Variants in P2RY6 observed in about 807,000 individuals in gnomAD.
The protein encoded by P2RY6 is pyrimidinergic receptor P2Y6.
In P2RY6, 19 loss-of-function variants were observed where a neutral mutation model predicts 16.3. That is an observed-to-expected ratio of 1.16 (90% CI 0.81 to 1.71). The LOEUF (loss-of-function observed/expected upper bound fraction) is 1.71, where lower values mean the gene tolerates loss of function less well. Ranked by LOEUF, P2RY6 falls within the 40% of genes most tolerant of loss-of-function variation. The pLI, the probability that P2RY6 is intolerant of heterozygous loss-of-function variation, is 0.00. For missense variants in P2RY6, 389 were observed against 455.5 expected (o/e 0.85, Z 1.33); for synonymous variants, 184 against 201.5 (o/e 0.91, Z 0.74).
rs1190373334 is a variant in P2RY6, at chr11:73,272,407, C to T, written c.-180C>T. On this transcript the variant is annotated 5_prime_UTR_variant, in exon 1 of 3. The change creates a new upstream start codon in the 5' untranslated region. Coordinates refer to ENST00000540124, the MANE Select transcript of P2RY6 (RefSeq NM_001277204.2). ...CTGACTGGCAGCAGGGGCTGCTCCA[C>T]GAGTGGGAATTTGCTCCAGCACTTC... 3.0e-6 allele frequency: 3 copies of T among 985,382 alleles called. No homozygotes were observed. The highest frequency in any genetic ancestry group is 2.4e-6 in the Non-Finnish European group (2 of 829,960). 61.0% of individuals were successfully genotyped at this position (985,382 alleles called of 1,614,324 possible). A position where few individuals can be genotyped will look rare whatever the true frequency, so the allele number is the denominator to read the frequency against.
chr11:73,276,603 G>C (rs1302301761), intron 1 of P2RY6, among the ~76,000 whole-genome samples: 3 of 152,146 alleles, frequency 2.0e-5, no homozygotes, highest in African/African-American at 7.2e-5. Context: ...AAATAAGTCA[G>C]ACACAAAATG....
chr11:73,292,262 A>G (rs895819371), intron 1 of P2RY6, among the ~76,000 whole-genome samples: 11 of 152,340 alleles, frequency 7.2e-5, no homozygotes, highest in African/African-American at 2.4e-4. Flanking sequence ...TAGGTACTCG[A>G]TAAGTGTGTG....
At chr11:73,289,866 T>G (rs1335169564) in intron 1 of P2RY6, among the ~76,000 whole-genome samples, 1 of 152,154 alleles carries the variant, frequency 6.6e-6, no homozygotes, top group Non-Finnish European at 1.5e-5. Flanking sequence ...GAGGGAATAA[T>G]CCACCCCCCA....
At chr11:73,266,282 C>T (rs181150032) in intron 1 of P2RY6, among the ~76,000 whole-genome samples, 412 of 152,162 alleles carry the variant, frequency 2.7e-3, no homozygotes, top group Middle Eastern at 6.8e-3. Flanking sequence ...TGGGATGGAG[C>T]GTGGGAGAGA....
intron 1 of P2RY6, among the ~76,000 whole-genome samples, chr11:73,293,453 G>T (rs933875919): frequency 6.6e-6 from 1 of 152,198 alleles, no homozygotes; most frequent in Non-Finnish European, 1.5e-5. Flanking sequence ...CCCACCATGG[G>T]CAGAGTCCAG....
At chr11:73,295,700 TG>T (rs1444289095) in intron 1 of P2RY6, 29 bp from the exon 2 acceptor site, 1 of 878,888 alleles carries the variant, frequency 1.1e-6, no homozygotes, top group East Asian at 1.2e-4. Context: ...CTTGGGGAAC[TG>T]GGTATCACCT....
In P2RY6 at chr11:73,297,563, C is replaced by A; in HGVS notation, c.*58C>A. ...CCATTGTGTCCGGGGCACCAGGAGC[C>A]CCACCAACCCCAAACCATGCGGAGA... On this transcript the variant is annotated 3_prime_UTR_variant, in exon 3 of 3. Coordinates refer to ENST00000540124, the MANE Select transcript of P2RY6 (RefSeq NM_001277204.2). 3.0e-6 allele frequency: 4 copies of A among 1,329,662 alleles called. No individual in the cohort carries two copies. Among genetic ancestry groups the A allele is most frequent in the Non-Finnish European group, 4.2e-6 (4 of 945,656 alleles). 82.4% of individuals were successfully genotyped at this position (1,329,662 alleles called of 1,614,324 possible).
At chr11:73,281,660 C>T (rs1863769197) in intron 1 of P2RY6, among the ~76,000 whole-genome samples, 1 of 152,222 alleles carries the variant, frequency 6.6e-6, no homozygotes, top group South Asian at 2.1e-4. Context: ...ACTGTGAATC[C>T]AGCTGCCCAG....
At chr11:73,289,099 T>G (rs12794405) in intron 1 of P2RY6, among the ~76,000 whole-genome samples, 29,641 of 152,120 alleles carry the variant, frequency 0.19, 3,471 homozygotes, top group African/African-American at 0.34. Flanking sequence ...CTCAGGGGAT[T>G]GGGGAGGCTG....
intron 1 of P2RY6, 128 bp downstream of exon 1, chr11:73,272,594 A>G: frequency 1.0e-5 from 8 of 763,976 alleles, no homozygotes; most frequent in Non-Finnish European, 1.3e-5. Flanking sequence ...TAGGGCAGGC[A>G]CTGGGGTCCT....
At chr11:73,288,016 G>A (rs1230414394) in intron 1 of P2RY6, among the ~76,000 whole-genome samples, 1 of 152,166 alleles carries the variant, frequency 6.6e-6, no homozygotes, top group African/African-American at 2.4e-5. Context: ...TGCCCACCGG[G>A]GCCGCGTGGT....
At chr11:73,276,981 G>A (rs1863563959) in intron 1 of P2RY6, among the ~76,000 whole-genome samples, 2 of 152,166 alleles carry the variant, frequency 1.3e-5, no homozygotes, top group African/African-American at 2.4e-5. Flanking sequence ...TGAGTTTCCT[G>A]GCAGCTGGAG....
Position 73,298,287 on chromosome 11 carries a change from C to T in P2RY6, c.*782C>T, listed in dbSNP as rs1302054246. The stretch of plus-strand genomic sequence containing the variant: ...CATGCATATCCAGCTGGGCCAGCCT[C>T]GTGCTGGGCTCTGCCCTGGGCAGAC... On this transcript the variant is annotated 3_prime_UTR_variant, in exon 3 of 3. Transcript: ENST00000540124. 3 of 167,192 alleles carry T rather than the reference C, an allele frequency of 1.8e-5. No homozygotes were observed. The highest frequency in any genetic ancestry group is 2.4e-5 in the African/African-American group (1 of 41,472). 10.4% of individuals were successfully genotyped at this position (167,192 alleles called of 1,614,324 possible).
intron 1 of P2RY6, among the ~76,000 whole-genome samples, chr11:73,291,095 C>T (rs1864226062): frequency 6.6e-6 from 1 of 152,222 alleles, no homozygotes; most frequent in Non-Finnish European, 1.5e-5. Flanking sequence ...TAGTTTCTTT[C>T]TCCATCTGTC....
chr11:73,284,284 T>A (rs1427427258), intron 1 of P2RY6, among the ~76,000 whole-genome samples: 1 of 152,068 alleles, frequency 6.6e-6, no homozygotes, highest in Non-Finnish European at 1.5e-5. Flanking sequence ...GGTGTCACCA[T>A]GAATGAGGGA....
Position 73,297,321 on chromosome 11 carries a change from C to T in P2RY6, c.803C>T (p.Thr268Met), listed in dbSNP as rs139384226. Residue 268 changes from threonine (T) to methionine (M), a missense_variant, in exon 3 of 3, where the codon ACG (threonine) becomes ATG (methionine). Transcript: ENST00000540124. ...TKTAYLAVRS[T>M]PGVPCTVLEA... The stretch of plus-strand genomic sequence containing the variant: ...ACAGCCTACCTGGCAGTGCGCTCGA[C>T]GCCGGGCGTCCCCTGCACTGTATTG... 210 of 1,610,452 alleles carry T rather than the reference C, an allele frequency of 1.3e-4. 3 individuals carry two copies. In the East Asian group the frequency reaches 2.6e-3, roughly 20 times the overall value.
Position 73,297,567 on chromosome 11 carries a change from C to T in P2RY6, c.*62C>T, listed in dbSNP as rs113910844. ...TGTGTCCGGGGCACCAGGAGCCCCA[C>T]CAACCCCAAACCATGCGGAGAATTA... On this transcript the variant is annotated 3_prime_UTR_variant, in exon 3 of 3. Transcript: ENST00000540124. 3 of 1,319,320 alleles carry T rather than the reference C, an allele frequency of 2.3e-6. No individual in the cohort carries two copies. Among genetic ancestry groups the T allele is most frequent in the African/African-American group, 1.5e-5 (1 of 68,552 alleles). 81.7% of individuals were successfully genotyped at this position (1,319,320 alleles called of 1,614,324 possible).
intron 1 of P2RY6, among the ~76,000 whole-genome samples, chr11:73,273,339 A>G (rs1039296159): frequency 1.3e-5 from 2 of 152,164 alleles, no homozygotes; most frequent in African/African-American, 4.8e-5. Flanking sequence ...ACCCCTCAGT[A>G]TCAATGAGAT....
At chr11:73,268,631 A>C (rs1244941630), upstream of P2RY6, among the ~76,000 whole-genome samples, 3 of 152,164 alleles carry the variant, frequency 2.0e-5, no homozygotes, top group African/African-American at 7.2e-5. Context: ...CTGGAAAAAA[A>C]AGATGTCCAG....
Sources: allele counts gnomAD v4.1 joint callset (sites outside exome capture counted in the v4.1 genomes callset), GRCh38; gene constraint gnomAD v4.1.1; transcripts MANE v1.5; gene names NCBI Gene and HGNC (gene_info 2026-07-23, HGNC 2026-07-21).